Variants in ZCWPW2 observed in about 807,000 individuals in gnomAD.
ZCWPW2 encodes the protein zinc finger CW-type and PWWP domain containing 2, also known as zinc finger CW-type PWWP domain protein 2.
Under a neutral mutation model 46.6 loss-of-function variants are expected in ZCWPW2, and 45 were observed. That is an observed-to-expected ratio of 0.96 (90% confidence interval 0.76 to 1.24). ZCWPW2 has a LOEUF of 1.24. Among genes scored for constraint, ZCWPW2 ranks in the 50% most tolerant of loss-of-function variants. The pLI, the probability that ZCWPW2 is intolerant of heterozygous loss-of-function variation, is 0.00. For synonymous variants in ZCWPW2, 152 were observed against 137.1 expected (o/e 1.11, Z -0.76); for missense variants, 429 against 403.9 (o/e 1.06, Z -0.53).
chr3:28,398,958 T>C (rs1048703646), intron 2 of ZCWPW2, among the ~76,000 whole-genome samples: 3 of 152,136 alleles, frequency 2.0e-5, no homozygotes, highest in African/African-American at 7.2e-5. Context: ...GAGGAGGGCA[T>C]GAATCCAGTG....
intron 4 of ZCWPW2, among the ~76,000 whole-genome samples, chr3:28,443,370 C>A (rs1410567509): frequency 6.6e-6 from 1 of 152,136 alleles, no homozygotes; most frequent in Admixed American, 6.5e-5. Flanking sequence ...CCGGCCTCCC[C>A]TTCATTCAAG....
chr3:28,474,586 C>CTTGTGT (rs1699156187), intron 4 of ZCWPW2, among the ~76,000 whole-genome samples: 1 of 136,170 alleles, frequency 7.3e-6, no homozygotes, highest in African/African-American at 2.9e-5. Flanking sequence ...TTAAATACAG[C>CTTGTGT]GTGTGTGTGT....
rs184591065 is a variant in ZCWPW2, at chr3:28,429,245, G to A, written c.333-5865G>A. On this transcript the variant is annotated intron_variant, in intron 3 of 9. Coordinates refer to ENST00000383768, the MANE Select transcript of ZCWPW2 (RefSeq NM_001040432.4). ...GAAAATGAGGAACTTCTTGGGACCT[G>A]GAATAAAGGTGACTCTTACTATGCC... Among the ~76,000 whole-genome samples, 666 of 152,240 alleles carry A rather than the reference G, an allele frequency of 4.4e-3. 7 individuals carry two copies. Among genetic ancestry groups the A allele is most frequent in the Admixed American group, 6.9e-3 (105 of 15,292 alleles).
rs111395814 is a variant in ZCWPW2, at chr3:28,486,703, C to T, written c.611-5424C>T. Among the ~76,000 whole-genome samples the T allele has an allele frequency of 4.3e-3, 654 of 151,942 alleles. 5 individuals are homozygous for T. The highest frequency in any genetic ancestry group is 0.017 in the Middle Eastern group (5 of 294). ...CAGCCTGGGCAACACGGTGAGATTC[C>T]GTCTCTATAAAAAATTCAAAAATTA... is the stretch of plus-strand genomic sequence containing the variant. On this transcript the variant is annotated intron_variant, in intron 5 of 9. Transcript: ENST00000383768.
chr3:28,349,261 C>G (rs1352426087), intron 1 of ZCWPW2, 58 bp downstream of exon 1: 2 of 948,388 alleles, frequency 2.1e-6, no homozygotes, highest in Middle Eastern at 5.4e-4. Flanking sequence ...CAGGGGCGCC[C>G]TCTGGTGCGT....
At chr3:28,361,657 T>C (rs1263542572) in intron 1 of ZCWPW2, among the ~76,000 whole-genome samples, 1 of 151,810 alleles carries the variant, frequency 6.6e-6, no homozygotes, top group Non-Finnish European at 1.5e-5. Flanking sequence ...ATATCAAAAA[T>C]ATATAAGAAA....
rs771336592 is a variant in ZCWPW2, at chr3:28,453,672, A to AT, written c.492+18409dup. ...ATATGTAAAGTTGCCTTATAATGAG[A>AT]TTTTTTGTGTTGGGGTTCTTAAATT... On this transcript the variant is annotated intron_variant, in intron 4 of 9. Coordinates refer to ENST00000383768, the MANE Select transcript of ZCWPW2 (RefSeq NM_001040432.4). 3.9e-5 allele frequency among the ~76,000 whole-genome samples: 6 copies of AT among 151,978 alleles called. No homozygotes were observed. In the East Asian group the frequency reaches 1.2e-3, roughly 29 times the overall value.
chr3:28,452,366 C>A (rs767297971), intron 4 of ZCWPW2, among the ~76,000 whole-genome samples: 1 of 152,174 alleles, frequency 6.6e-6, no homozygotes, highest in Non-Finnish European at 1.5e-5. Context: ...CTCACTGCAA[C>A]CTCTGCTGCC....
chr3:28,450,685 T>G (rs961438639), intron 4 of ZCWPW2, among the ~76,000 whole-genome samples: 1 of 152,164 alleles, frequency 6.6e-6, no homozygotes, highest in Non-Finnish European at 1.5e-5. Context: ...TGGCCATATA[T>G]CTTAGTGGTC....
intron 4 of ZCWPW2, among the ~76,000 whole-genome samples, chr3:28,446,925 A>G (rs896767824): frequency 8.5e-5 from 13 of 152,180 alleles, no homozygotes. Flanking sequence ...GACAAAATGG[A>G]CAAATTCCTG....
intron 4 of ZCWPW2, among the ~76,000 whole-genome samples, chr3:28,435,913 T>C (rs1165546650): frequency 6.6e-6 from 1 of 152,254 alleles, no homozygotes; most frequent in African/African-American, 2.4e-5. Flanking sequence ...GGAGACTCTA[T>C]GTTATAGCCA....
chr3:28,508,130 A>C (rs1700328587), intron 6 of ZCWPW2, among the ~76,000 whole-genome samples: 1 of 152,074 alleles, frequency 6.6e-6, no homozygotes, highest in Non-Finnish European at 1.5e-5. Flanking sequence ...GCTCTTTTTA[A>C]CAACCAACCG....
At chr3:28,487,000 T>G (rs1699620802) in intron 5 of ZCWPW2, among the ~76,000 whole-genome samples, 1 of 152,194 alleles carries the variant, frequency 6.6e-6, no homozygotes, top group Non-Finnish European at 1.5e-5. Flanking sequence ...TTTTTATCTT[T>G]TCTATTGGTA....
At chr3:28,513,329 G>T (rs1030198111) in intron 6 of ZCWPW2, among the ~76,000 whole-genome samples, 2 of 152,040 alleles carry the variant, frequency 1.3e-5, no homozygotes, top group East Asian at 3.8e-4. Context: ...TTAATTATTC[G>T]ATTGGGAAAT....
chr3:28,368,518 C>T (rs377054572), intron 1 of ZCWPW2, among the ~76,000 whole-genome samples: 4 of 152,220 alleles, frequency 2.6e-5, no homozygotes, highest in East Asian at 1.9e-4. Context: ...GAGTTTCTGC[C>T]GAGAGATCAG....
chr3:28,412,629 A>G (rs1411128440), intron 2 of ZCWPW2, among the ~76,000 whole-genome samples: 1 of 152,010 alleles, frequency 6.6e-6, no homozygotes, highest in Non-Finnish European at 1.5e-5. Flanking sequence ...AAATGAGCAT[A>G]ATAAGGTTGT....
At chr3:28,515,827 G>A (rs1388651588) in intron 8 of ZCWPW2, among the ~76,000 whole-genome samples, 1 of 150,496 alleles carries the variant, frequency 6.6e-6, no homozygotes, top group Non-Finnish European at 1.5e-5. Flanking sequence ...ACATATATAT[G>A]AGAAATATTA....
intron 1 of ZCWPW2, among the ~76,000 whole-genome samples, chr3:28,366,371 CAA>C (rs2125697536): frequency 1.0e-5 from 1 of 100,330 alleles, no homozygotes; most frequent in Non-Finnish European, 2.0e-5. Flanking sequence ...TGAATTTTGT[CAA>C]AGGCCTTTCT....
chr3:28,442,402 T>G (rs766195092), intron 4 of ZCWPW2, among the ~76,000 whole-genome samples: 10 of 151,950 alleles, frequency 6.6e-5, no homozygotes, highest in Non-Finnish European at 1.3e-4. Flanking sequence ...AAGTCCAGTG[T>G]GTTTGCTACT....
Sources: allele counts gnomAD v4.1 joint callset (sites outside exome capture counted in the v4.1 genomes callset), GRCh38; gene constraint gnomAD v4.1.1; transcripts MANE v1.5; gene names NCBI Gene and HGNC (gene_info 2026-07-23, HGNC 2026-07-21).